CHD3: variants seen among roughly 807,000 people sequenced by gnomAD.
The protein encoded by CHD3 is chromodomain helicase DNA binding protein 3, also known as ATP-dependent chromatin remodeler CHD3.
A neutral mutation model predicts 248.9 loss-of-function variants in CHD3; 52 were observed. The ratio of observed to expected loss-of-function variants is 0.21; its 90% CI spans 0.17 to 0.26. The LOEUF (loss-of-function observed/expected upper bound fraction) is 0.26. Among genes scored for constraint, CHD3 ranks in the 10% least tolerant of loss-of-function variants. CHD3 has a pLI of 1.00. For missense variants in CHD3, 1,482 were observed against 2,605.8 expected, an observed-to-expected ratio of 0.57 and a Z score of 9.39; for synonymous variants, 985 against 985.2, an observed-to-expected ratio of 1.00 and a Z score of 0.00.
Position 7,909,602 on chromosome 17 carries a change from C to T in CHD3, c.5590+264C>T. On this transcript the variant is annotated intron_variant, in intron 37 of 39. Transcript: ENST00000330494. This position sits in a 1 kb window ranked among gnomAD's most constrained non-coding sequence, Gnocchi z 8.1. Reference sequence around the variant, plus strand: ...TGCCCCAGCCTCTGTGTCCCCTCCACACAGTGGGGCCTCTTCACTGGCAGT... The same window carrying T: ...TGCCCCAGCCTCTGTGTCCCCTCCATACAGTGGGGCCTCTTCACTGGCAGT... 1 of 528,850 alleles carries T rather than the reference C, an allele frequency of 1.9e-6. No homozygotes were observed. The highest frequency in any genetic ancestry group is 3.3e-6 in the Non-Finnish European group (1 of 300,880). The allele number at this position is 528,850 out of a possible 1,614,324, so 32.8% of individuals were successfully genotyped here. A position where few individuals can be genotyped will look rare whatever the true frequency, so the allele number is the denominator to read the frequency against.
chr17:7,896,356 G>C (rs370513167), intron 10 of CHD3, among the ~76,000 whole-genome samples: 1 of 148,602 alleles, frequency 6.7e-6, no homozygotes, highest in Non-Finnish European at 1.5e-5. Context: ...TTTATTCTCC[G>C]TCTTGGCTTT....
At position 7,899,738 on chromosome 17, in the gene CHD3, G is replaced by A. The variant is rs766875182; in HGVS notation, c.2545-158G>A. Among the ~76,000 whole-genome samples, 1 of 152,170 alleles carries A rather than the reference G, an allele frequency of 6.6e-6. No homozygotes were observed. The highest frequency in any genetic ancestry group is 1.5e-5 in the Non-Finnish European group (1 of 68,024). On this transcript the variant is annotated intron_variant, in intron 15 of 39. Coordinates refer to ENST00000330494, the MANE Select transcript of CHD3 (RefSeq NM_001005273.3). This position sits in a 1 kb window ranked among gnomAD's most constrained non-coding sequence, Gnocchi z 6.8. ...ACATGGATCTGTCGGTACTGGAAATGTGGGCAGAGGTTTAGGAGCCATGGT... is the reference window on the plus strand; with the variant it reads ...ACATGGATCTGTCGGTACTGGAAATATGGGCAGAGGTTTAGGAGCCATGGT...
chr17:7,893,137 T>A (rs1969126168), intron 4 of CHD3, 149 bp from the exon 5 acceptor site: 10 of 1,242,824 alleles, frequency 8.0e-6, no homozygotes, highest in Non-Finnish European at 8.5e-6. Context: ...TCTTTTTATT[T>A]ATTTTTTTAA....
Position 7,909,727 on chromosome 17 carries a change from T to G in CHD3, c.5590+389T>G. The G allele has an allele frequency of 4.5e-6, 1 of 223,798 alleles. No homozygotes were observed. The highest frequency in any genetic ancestry group is 8.8e-6 in the Non-Finnish European group (1 of 113,486). 13.9% of individuals were successfully genotyped at this position (223,798 alleles called of 1,614,324 possible). On this transcript the variant is annotated intron_variant, in intron 37 of 39. Transcript: ENST00000330494. The surrounding 1 kb of genome is among the most constrained non-coding windows in gnomAD (Gnocchi z 8.1). The stretch of plus-strand genomic sequence containing the variant: ...CCTGGCTGTGATCAAACAAATCACA[T>G]TCCCTCACATGTGTTTCACCCCATA...
rs34196029 is a variant in CHD3, at chr17:7,892,496, CTT to C, written c.510-772_510-771del. Among the ~76,000 whole-genome samples the C allele has an allele frequency of 5.4e-3, 605 of 112,440 alleles. 2 individuals carry two copies. Among genetic ancestry groups the C allele is most frequent in the Admixed American group, 6.5e-3 (63 of 9,764 alleles). 73.8% of individuals were successfully genotyped at this position (112,440 alleles called of 152,430 possible). ...TTTATTTCGCTGTTTTTTATTTCCC[CTT>C]TTTTTTTTTTTTTTTTTGAGATGGA... On this transcript the variant is annotated intron_variant, in intron 4 of 39. Coordinates refer to ENST00000330494, the MANE Select transcript of CHD3 (RefSeq NM_001005273.3).
Position 7,895,528 on chromosome 17 carries a change from G to A in CHD3, c.1693G>A (p.Ala565Thr). 1 of 1,614,026 alleles carries A rather than the reference G, an allele frequency of 6.2e-7. No individual in the cohort carries two copies. Among genetic ancestry groups the A allele is most frequent in the Non-Finnish European group, 8.5e-7 (1 of 1,179,978 alleles). The change falls in exon 10 of 40, where the codon GCC becomes ACC. Residue 565 changes from alanine (A) to threonine (T), a missense_variant. Transcript: ENST00000330494. This position sits in a 1 kb window ranked among gnomAD's most constrained non-coding sequence, Gnocchi z 4.9. The stretch of plus-strand genomic sequence containing the variant: ...ACTATCCTACTGGCACTGCTCCTGG[G>A]CCAAGGAGCTTCAGGTACTAGGACC... Reference protein sequence around the residue: ...VGLSYWHCSWAKELQLEIFHL... With the variant: ...VGLSYWHCSWTKELQLEIFHL...
Position 7,910,540 on chromosome 17 carries a change from C to T in CHD3, c.5703C>T (p.Arg1901=). The T allele has an allele frequency of 6.2e-7, 1 of 1,613,172 alleles. No individual in the cohort carries two copies. The highest frequency in any genetic ancestry group is 8.5e-7 in the Non-Finnish European group (1 of 1,180,032). Residue 1901 remains arginine (R), a synonymous_variant, in exon 38 of 40, where the codon CGC becomes CGT. Coordinates refer to ENST00000330494, the MANE Select transcript of CHD3 (RefSeq NM_001005273.3). The surrounding 1 kb of genome is among the most constrained non-coding windows in gnomAD (Gnocchi z 4.7). ...PIAARLQMSE[R]SILSRLASKG... ...CAGCCCGCCTTCAGATGTCCGAGCG[C>T]AGCATCCTCAGCCGGCTGGCCAGCA...
Position 7,894,679 on chromosome 17 carries a change from AC to A in CHD3, c.1269+74del, listed in dbSNP as rs1437948749. The A allele has an allele frequency of 6.6e-6, 10 of 1,504,276 alleles. No homozygotes were observed. The East Asian group carries it at 2.3e-4, about 34-fold the overall frequency. The allele number at this position is 1,504,276 out of a possible 1,614,324, so 93.2% of individuals were successfully genotyped here. A position where few individuals can be genotyped will look rare whatever the true frequency, so the allele number is the denominator to read the frequency against. ...ATCTCTTTCCCCCTTGGTTTCACTT[AC>A]CCTCTTCCTGCCCCCAGATGGCTGG... On this transcript the variant is annotated intron_variant, in intron 8 of 39. Transcript: ENST00000330494.
In CHD3 at chr17:7,895,272, T is replaced by A; in HGVS notation, c.1504-67T>A. 1 of 1,592,620 alleles carries A rather than the reference T, an allele frequency of 6.3e-7. No homozygotes were observed. The highest frequency in any genetic ancestry group is 2.2e-5 in the East Asian group (1 of 44,704). ...CCCCCACCCTTGTGGGACCCCTATC[T>A]TCTCATCTAACAATGGGTTCTTTCT... On this transcript the variant is annotated intron_variant, in intron 9 of 39. Transcript: ENST00000330494. This position sits in a 1 kb window ranked among gnomAD's most constrained non-coding sequence, Gnocchi z 4.9.
At position 7,909,057 on chromosome 17, in the gene CHD3, G is replaced by T. The variant is rs112656164; in HGVS notation, c.5395-86G>T. 5 of 1,524,636 alleles carry T rather than the reference G, an allele frequency of 3.3e-6. No homozygotes were observed. Among genetic ancestry groups the T allele is most frequent in the African/African-American group, 2.8e-5 (2 of 72,632 alleles). The allele number at this position is 1,524,636 out of a possible 1,614,324, so 94.4% of individuals were successfully genotyped here. ...GCCCTGGGCCAGCAGTGAGGGCAGG[G>T]TGGGTCTCTTGCTATGTCCGCCCCC... On this transcript the variant is annotated intron_variant, in intron 36 of 39. Transcript: ENST00000330494. The surrounding 1 kb of genome is among the most constrained non-coding windows in gnomAD (Gnocchi z 8.1).
chr17:7,905,623 C>T lies in CHD3; in HGVS notation c.4141C>T (p.Arg1381Cys), dbSNP rs2151627168. The T allele has an allele frequency of 6.3e-7, 1 of 1,597,704 alleles. No homozygotes were observed. The highest frequency in any genetic ancestry group is 8.5e-7 in the Non-Finnish European group (1 of 1,171,154). The change falls in exon 27 of 40, where the codon CGT becomes TGT. Residue 1381 changes from arginine to cysteine, a missense_variant and splice_region_variant. Transcript: ENST00000330494. The surrounding 1 kb of genome is among the most constrained non-coding windows in gnomAD (Gnocchi z 5.8). ...ACTGATGTCATCCCCACCCTCAGGG[C>T]GTAGACAGTCAAAGAGGCAGCTCCG... Reference protein sequence around the residue: ...DEDFDERPEGRRQSKRQLRNE... With the variant: ...DEDFDERPEGCRQSKRQLRNE...
Position 7,907,392 on chromosome 17 carries a change from C to T in CHD3, c.4828C>T (p.Leu1610=). 6.2e-7 allele frequency: 1 copy of T among 1,609,646 alleles called. No individual in the cohort carries two copies. The highest frequency in any genetic ancestry group is 1.1e-5 in the South Asian group (1 of 90,276). The change falls in exon 32 of 40, where the codon CTG becomes TTG. Residue 1610 remains leucine (L), a synonymous_variant. Transcript: ENST00000330494. This position sits in a 1 kb window ranked among gnomAD's most constrained non-coding sequence, Gnocchi z 4.3. ...PSPAPSLGER[L]EPRKIPLEDE... The stretch of plus-strand genomic sequence containing the variant: ...CCCAGCCCCATCACTTGGGGAGCGG[C>T]TGGAGCCAAGGAAGATTCCTCTAGA...
Position 7,904,713 on chromosome 17 carries a change from C to T in CHD3, c.4072+94C>T. On this transcript the variant is annotated intron_variant, in intron 25 of 39. Coordinates refer to ENST00000330494, the MANE Select transcript of CHD3 (RefSeq NM_001005273.3). The surrounding 1 kb of genome is among the most constrained non-coding windows in gnomAD (Gnocchi z 4.4). ...GCTATTTAGAGGGAAAGAGAGAAGC[C>T]TAGAAGTCAGAGCCTTCCTCTGCTA... is the stretch of plus-strand genomic sequence containing the variant. 8.3e-7 allele frequency: 1 copy of T among 1,198,788 alleles called. No individual in the cohort carries two copies. The highest frequency in any genetic ancestry group is 1.2e-6 in the Non-Finnish European group (1 of 858,166). The allele number at this position is 1,198,788 out of a possible 1,614,324, so 74.3% of individuals were successfully genotyped here. A position where few individuals can be genotyped will look rare whatever the true frequency, so the allele number is the denominator to read the frequency against.
rs1971751840 is a variant in CHD3, at chr17:7,912,272, C to T, written c.*687C>T. On this transcript the variant is annotated 3_prime_UTR_variant, in exon 40 of 40. Coordinates refer to ENST00000330494, the MANE Select transcript of CHD3 (RefSeq NM_001005273.3). ...CCCTAGGGACCAAGGACCACCCCTA[C>T]AAAAAGAGTAATGGTTGGGTGATAC... The T allele has an allele frequency of 6.3e-6, 1 of 158,996 alleles. No homozygotes were observed. Among genetic ancestry groups the T allele is most frequent in the Non-Finnish European group, 1.4e-5 (1 of 73,126 alleles). The allele number at this position is 158,996 out of a possible 1,614,324, so 9.8% of individuals were successfully genotyped here.
chr17:7,894,681 C>A, intron 8 of CHD3, 73 bp downstream of exon 8: 1 of 1,489,236 alleles, frequency 6.7e-7, no homozygotes, highest in African/African-American at 1.4e-5. Flanking sequence ...TTTCACTTAC[C>A]CTCTTCCTGC....
In CHD3 at chr17:7,910,835, T is replaced by A; in HGVS notation, c.5755-12T>A. 1 of 1,587,004 alleles carries A rather than the reference T, an allele frequency of 6.3e-7. No individual in the cohort carries two copies. The highest frequency in any genetic ancestry group is 8.5e-7 in the Non-Finnish European group (1 of 1,170,626). On this transcript the variant is annotated splice_polypyrimidine_tract_variant and intron_variant, in intron 38 of 39. Transcript: ENST00000330494. This position sits in a 1 kb window ranked among gnomAD's most constrained non-coding sequence, Gnocchi z 4.7. ...TGAACTAACTCCAACTTCTGCTTCC[T>A]CTCTGTTCCAGGCCTACCCGCCGGG...
rs1230834784 is a variant in CHD3 at position 7,910,393 on chromosome 17, C to T, written c.5591-35C>T. The T allele has an allele frequency of 6.2e-7, 1 of 1,613,800 alleles. No homozygotes were observed. The highest frequency in any genetic ancestry group is 8.5e-7 in the Non-Finnish European group (1 of 1,179,874). On this transcript the variant is annotated intron_variant, in intron 37 of 39. Coordinates refer to ENST00000330494, the MANE Select transcript of CHD3 (RefSeq NM_001005273.3). The surrounding 1 kb of genome is among the most constrained non-coding windows in gnomAD (Gnocchi z 4.7). Reference sequence around the variant, plus strand: ...TCCATCTCTGTATTTCCCTGTCTTTCTCTTGCCCTTCTTTCTCTGTGGCCC... The same window carrying T: ...TCCATCTCTGTATTTCCCTGTCTTTTTCTTGCCCTTCTTTCTCTGTGGCCC...
At chr17:7,888,428 C>G (rs1968326732), upstream of CHD3, among the ~76,000 whole-genome samples, 1 of 152,172 alleles carries the variant, frequency 6.6e-6, no homozygotes. Context: ...CATCTTGCAT[C>G]GGCTGCCTCT....
In CHD3 at chr17:7,903,490, G is replaced by A; in HGVS notation, c.3714G>A (p.Lys1238=). 5.0e-6 allele frequency: 8 copies of A among 1,613,506 alleles called. No homozygotes were observed. The highest frequency in any genetic ancestry group is 6.8e-6 in the Non-Finnish European group (8 of 1,179,606). The change falls in exon 23 of 40, where the codon AAG becomes AAA. Residue 1238 remains lysine (K), a synonymous_variant. Coordinates refer to ENST00000330494, the MANE Select transcript of CHD3 (RefSeq NM_001005273.3). This position sits in a 1 kb window ranked among gnomAD's most constrained non-coding sequence, Gnocchi z 6.8. ...ILKFGTEELF[K]DENEGENKEE... ...AATTTGGCACTGAAGAGCTATTCAA[G>A]GATGAAAACGAGGGTGAGAACCTTT...
Sources: allele counts gnomAD v4.1 joint callset (sites outside exome capture counted in the v4.1 genomes callset), GRCh38; gene constraint gnomAD v4.1.1; non-coding constraint Gnocchi (gnomAD v3.1); transcripts MANE v1.5; gene names NCBI Gene and HGNC (gene_info 2026-07-23, HGNC 2026-07-21).